DNAJC6: variants seen among roughly 807,000 people sequenced by gnomAD.
DNAJC6 encodes auxilin.
A neutral mutation model predicts 110.0 loss-of-function variants in DNAJC6; 34 were observed. The ratio of observed to expected loss-of-function variants is 0.31; its 90% CI spans 0.24 to 0.41. The LOEUF (loss-of-function observed/expected upper bound fraction) is 0.41. DNAJC6 is among the 10% of genes least tolerant of loss of function. DNAJC6 has a pLI of 1.00. For synonymous variants in DNAJC6, 406 were observed against 437.2 expected, an observed-to-expected ratio of 0.93 and a Z score of 0.89; for missense variants, 1,031 against 1,207.8, an observed-to-expected ratio of 0.85 and a Z score of 2.17.
chr1:65,265,806 C>T (rs1653299381), intron 1 of DNAJC6, among the ~76,000 whole-genome samples: 1 of 152,102 alleles, frequency 6.6e-6, no homozygotes, highest in Admixed American at 6.6e-5. Context: ...GCTCCTGGCC[C>T]GCGTGCCCAG....
intron 1 of DNAJC6, among the ~76,000 whole-genome samples, chr1:65,321,862 C>T (rs916084697): frequency 2.2e-4 from 33 of 152,128 alleles, no homozygotes; most frequent in Non-Finnish European, 3.8e-4. Flanking sequence ...GATATATCAG[C>T]TACTTTAGGA....
At chr1:65,370,055 A>T (rs759860569) in intron 4 of DNAJC6, among the ~76,000 whole-genome samples, 7 of 152,002 alleles carry the variant, frequency 4.6e-5, no homozygotes, top group Middle Eastern at 3.4e-3. Flanking sequence ...ATTTTTTTTT[A>T]ATGTTTTTTG....
At chr1:65,401,959 A>T (rs1646033985) in intron 15 of DNAJC6, 79 bp downstream of exon 15, 1 of 1,575,938 alleles carries the variant, frequency 6.3e-7, no homozygotes, top group Non-Finnish European at 8.6e-7. Context: ...TTGGTGTTAC[A>T]GCAAGCTGGT....
intron 1 of DNAJC6, among the ~76,000 whole-genome samples, chr1:65,299,726 G>A (rs1368276556): frequency 6.6e-6 from 1 of 152,128 alleles, no homozygotes; most frequent in Non-Finnish European, 1.5e-5. Flanking sequence ...ACATGAACTT[G>A]TAATTCCCAG....
At chr1:65,286,860 G>A (rs945010874) in intron 1 of DNAJC6, among the ~76,000 whole-genome samples, 9 of 152,126 alleles carry the variant, frequency 5.9e-5, no homozygotes, top group African/African-American at 1.9e-4. Flanking sequence ...ATTGATGAAG[G>A]CCTTGAGGAT....
chr1:65,336,172 G>A (rs1645334302), intron 1 of DNAJC6, among the ~76,000 whole-genome samples: 1 of 152,166 alleles, frequency 6.6e-6, no homozygotes, highest in African/African-American at 2.4e-5. Context: ...TTACAATCAT[G>A]GCAGAAGGGG....
chr1:65,336,224 G>T lies in DNAJC6; in HGVS notation c.193+26286G>T, dbSNP rs1292176443. On this transcript the variant is annotated intron_variant, in intron 1 of 18. Transcript: ENST00000371069. ...CTTCATGCAGCAGCAGCAAGGAGAAGTGCCAAGCAAAAGGAGGAAAAGTCC... is the reference window on the plus strand; with the variant it reads ...CTTCATGCAGCAGCAGCAAGGAGAATTGCCAAGCAAAAGGAGGAAAAGTCC... Among the ~76,000 whole-genome samples the T allele has an allele frequency of 2.6e-5, 4 of 152,094 alleles. No individual in the cohort carries two copies. In the East Asian group the frequency reaches 7.7e-4, roughly 29 times the overall value.
chr1:65,372,759 A>G (rs571417035), intron 4 of DNAJC6, among the ~76,000 whole-genome samples: 2 of 152,188 alleles, frequency 1.3e-5, no homozygotes, highest in South Asian at 4.1e-4. Context: ...AATAGATGAA[A>G]ATAAACTGGG....
chr1:65,339,910 A>T (rs1645373296), intron 1 of DNAJC6, among the ~76,000 whole-genome samples: 1 of 152,222 alleles, frequency 6.6e-6, no homozygotes. Context: ...GCAGCCAAAT[A>T]CTTCGACTCC....
chr1:65,360,745 G>T (rs1476222247), intron 1 of DNAJC6, among the ~76,000 whole-genome samples: 1 of 152,190 alleles, frequency 6.6e-6, no homozygotes, highest in Non-Finnish European at 1.5e-5. Flanking sequence ...CTGTGGAGGT[G>T]CCCATTAGAC....
upstream of DNAJC6, among the ~76,000 whole-genome samples, chr1:65,307,010 C>CTATATA (rs1282683088): frequency 9.8e-4 from 83 of 84,724 alleles, no homozygotes; most frequent in African/African-American, 1.5e-3. Flanking sequence ...CTCTCTCTCT[C>CTATATA]TCTCTCTCTA....
At chr1:65,303,747 T>G (rs1412068161) in intron 1 of DNAJC6, among the ~76,000 whole-genome samples, 5 of 152,172 alleles carry the variant, frequency 3.3e-5, no homozygotes, top group African/African-American at 1.2e-4. Flanking sequence ...TTTGTTTGTT[T>G]GTTTTTTAGT....
rs925934980 is a variant in DNAJC6 at position 65,352,593 on chromosome 1, T to A, written c.194-12042T>A. 2.0e-5 allele frequency among the ~76,000 whole-genome samples: 3 copies of A among 152,260 alleles called. No individual in the cohort carries two copies. In the East Asian group the frequency reaches 5.8e-4, roughly 29 times the overall value. Reference sequence around the variant, plus strand: ...GGTGCCTAACATATAGTAAGGCCACTTTGGTATATGTGTAGCACATGTGTG... The same window carrying A: ...GGTGCCTAACATATAGTAAGGCCACATTGGTATATGTGTAGCACATGTGTG... On this transcript the variant is annotated intron_variant, in intron 1 of 18. Coordinates refer to ENST00000371069, the MANE Select transcript of DNAJC6 (RefSeq NM_001256864.2).
chr1:65,348,716 T>C (rs1242512728), intron 1 of DNAJC6, among the ~76,000 whole-genome samples: 1 of 151,510 alleles, frequency 6.6e-6, no homozygotes, highest in Non-Finnish European at 1.5e-5. Flanking sequence ...AGTCTGATAA[T>C]CTCTGTCTTT....
chr1:65,308,852 A>G (rs531159593), upstream of DNAJC6, among the ~76,000 whole-genome samples: 3 of 152,294 alleles, frequency 2.0e-5, no homozygotes, highest in African/African-American at 7.2e-5. Context: ...AAAGAGTTCT[A>G]AACAGTCACA....
At chr1:65,320,115 A>T (rs1645184705) in intron 1 of DNAJC6, among the ~76,000 whole-genome samples, 2 of 152,212 alleles carry the variant, frequency 1.3e-5, no homozygotes. Flanking sequence ...GGCTTACCTA[A>T]AATTTCACTT....
chr1:65,404,864 T>C (rs959839687), intron 15 of DNAJC6, among the ~76,000 whole-genome samples: 1 of 152,200 alleles, frequency 6.6e-6, no homozygotes, highest in African/African-American at 2.4e-5. Flanking sequence ...TCAGGAAACC[T>C]CTCTGAGCCT....
At chr1:65,293,860 C>A (rs1307883187) in intron 1 of DNAJC6, among the ~76,000 whole-genome samples, 2 of 152,150 alleles carry the variant, frequency 1.3e-5, no homozygotes, top group African/African-American at 2.4e-5. Flanking sequence ...CATTTAGAAT[C>A]AAACTTATGT....
intron 1 of DNAJC6, among the ~76,000 whole-genome samples, chr1:65,351,162 A>C (rs1429774464): frequency 3.3e-5 from 5 of 152,178 alleles, no homozygotes; most frequent in Non-Finnish European, 7.3e-5. Context: ...AGATCATTTT[A>C]TGGTAATAGG....
Sources: gnomAD v4.1 joint callset for allele counts (sites outside exome capture counted in the v4.1 genomes callset) on GRCh38, gnomAD v4.1.1 for gene constraint, MANE v1.5 for transcripts, NCBI Gene and HGNC (gene_info 2026-07-23, HGNC 2026-07-21) for gene names.